The following GNG7 variants were observed in gnomAD, a reference collection of about 807,000 sequenced individuals.
GNG7 encodes the protein guanine nucleotide-binding protein G(I)/G(S)/G(O) subunit gamma-7.
Under a neutral mutation model 4.0 loss-of-function variants are expected in GNG7, and 1 was observed. The ratio of observed to expected loss-of-function variants is 0.25; its 90% CI spans 0.09 to 1.18. The LOEUF (loss-of-function observed/expected upper bound fraction) is 1.18, where lower values mean the gene tolerates loss of function less well. Ranked by LOEUF, GNG7 falls within the 50% of genes most tolerant of loss-of-function variation. GNG7 has a pLI of 0.50. For synonymous variants in GNG7, 34 were observed against 36.9 expected, an observed-to-expected ratio of 0.92 and a Z score of 0.29; for missense variants, 86 against 91.9, an observed-to-expected ratio of 0.94 and a Z score of 0.26.
intron 2 of GNG7, among the ~76,000 whole-genome samples, chr19:2,638,603 C>T (rs1226741106): frequency 1.3e-5 from 2 of 148,724 alleles, no homozygotes; most frequent in Non-Finnish European, 3.0e-5. Context: ...CCCTCCTGGG[C>T]ACTGTAGACA....
At chr19:2,521,948 C>A (rs900446604) in intron 3 of GNG7, among the ~76,000 whole-genome samples, 3 of 152,152 alleles carry the variant, frequency 2.0e-5, no homozygotes, top group Non-Finnish European at 4.4e-5. Flanking sequence ...GGAGCCCATG[C>A]TGTTGCTTCT....
intron 2 of GNG7, among the ~76,000 whole-genome samples, chr19:2,587,238 A>G (rs1016725684): frequency 3.3e-5 from 5 of 152,078 alleles, no homozygotes; most frequent in African/African-American, 1.2e-4. Context: ...GTCCCTGAGC[A>G]TCTGGCTCTA....
At chr19:2,604,816 C>G (rs565574582) in intron 2 of GNG7, among the ~76,000 whole-genome samples, 1 of 152,030 alleles carries the variant, frequency 6.6e-6, no homozygotes, top group Non-Finnish European at 1.5e-5. Context: ...AGGGCAGTGG[C>G]GAGAAGGAAA....
chr19:2,522,027 G>A (rs1233355384), intron 3 of GNG7, among the ~76,000 whole-genome samples: 1 of 152,178 alleles, frequency 6.6e-6, no homozygotes, highest in Non-Finnish European at 1.5e-5. Context: ...TCTCTTGGGA[G>A]TCCGTGGAAT....
At chr19:2,697,016 T>A (rs1913283828) in intron 1 of GNG7, among the ~76,000 whole-genome samples, 1 of 149,654 alleles carries the variant, frequency 6.7e-6, no homozygotes, top group Admixed American at 6.6e-5. Flanking sequence ...AATTTTTGTA[T>A]TTTTACTAGC....
In GNG7 at chr19:2,618,315, T is replaced by G. The variant is rs1981773963; in HGVS notation, c.-78+27909A>C. On this transcript the variant is annotated intron_variant, in intron 2 of 4. Coordinates refer to ENST00000382159, the MANE Select transcript of GNG7 (RefSeq NM_052847.3). The surrounding 1 kb of genome is among the most constrained non-coding windows in gnomAD (Gnocchi z 5.1). ...CCCCTTGCAAAGCTCTCAGCCACAT[T>G]TTTCTCTTTTCTACCTGTATGTGTG... 6.6e-6 allele frequency among the ~76,000 whole-genome samples: 1 copy of G among 151,730 alleles called. No individual in the cohort carries two copies. The highest frequency in any genetic ancestry group is 2.1e-4 in the South Asian group (1 of 4,820).
At chr19:2,526,182 G>C (rs888917684) in intron 3 of GNG7, among the ~76,000 whole-genome samples, 1 of 151,838 alleles carries the variant, frequency 6.6e-6, no homozygotes, top group Non-Finnish European at 1.5e-5. Flanking sequence ...GTGTTAGCCA[G>C]GATGGTCTCG....
chr19:2,602,393 AG>A (rs1264912360), intron 2 of GNG7, among the ~76,000 whole-genome samples: 2 of 152,228 alleles, frequency 1.3e-5, no homozygotes, highest in African/African-American at 4.8e-5. Context: ...CGTCCTCTGC[AG>A]GCCCTGGCTC....
intron 2 of GNG7, among the ~76,000 whole-genome samples, chr19:2,638,729 C>G (rs1982401474): frequency 7.3e-6 from 1 of 137,158 alleles, no homozygotes; most frequent in Non-Finnish European, 1.6e-5. Context: ...CTAGACATCT[C>G]CCAGCATCCC....
At position 2,609,459 on chromosome 19, in the gene GNG7, G is replaced by A. The variant is rs1406759361; in HGVS notation, c.-78+36765C>T. Among the ~76,000 whole-genome samples the A allele has an allele frequency of 1.3e-5, 2 of 152,120 alleles. No individual in the cohort carries two copies. The highest frequency in any genetic ancestry group is 6.6e-5 in the Admixed American group (1 of 15,226). The stretch of plus-strand genomic sequence containing the variant: ...TGCCCTGGGATTTGGGAGCCGACAG[G>A]TCCGGGTAACAACTGCAGTTTAGCC... On this transcript the variant is annotated intron_variant, in intron 2 of 4. Transcript: ENST00000382159. This position sits in a 1 kb window ranked among gnomAD's most constrained non-coding sequence, Gnocchi z 4.4.
At chr19:2,616,500 G>C (rs1391493759) in intron 2 of GNG7, among the ~76,000 whole-genome samples, 2 of 152,166 alleles carry the variant, frequency 1.3e-5, no homozygotes, top group East Asian at 3.9e-4. Context: ...AGAAAGGCTG[G>C]GTGTGGTGGC....
chr19:2,532,145 C>T (rs1156554560), intron 3 of GNG7, among the ~76,000 whole-genome samples: 4 of 112,002 alleles, frequency 3.6e-5, no homozygotes, highest in South Asian at 3.3e-4. Flanking sequence ...AACGAGACTC[C>T]GTCTCAAAAA....
At chr19:2,589,968 T>C (rs11878716) in intron 2 of GNG7, among the ~76,000 whole-genome samples, 33,975 of 151,850 alleles carry the variant, frequency 0.22, 5,288 homozygotes, top group East Asian at 0.52. Flanking sequence ...TGCACTGCCG[T>C]ACTCAGCTAA....
chr19:2,593,887 T>C (rs1980925585), intron 2 of GNG7, among the ~76,000 whole-genome samples: 1 of 148,258 alleles, frequency 6.7e-6, no homozygotes, highest in Non-Finnish European at 1.5e-5. Flanking sequence ...TGTTTTAAGT[T>C]TTCTGAAGCA....
intron 1 of GNG7, among the ~76,000 whole-genome samples, chr19:2,657,175 A>G (rs1390831983): frequency 6.7e-6 from 1 of 150,160 alleles, no homozygotes; most frequent in Non-Finnish European, 1.5e-5. Flanking sequence ...CTCTACTAAA[A>G]ATACAAAAAT....
At chr19:2,521,192 G>C (rs1242291588) in intron 3 of GNG7, among the ~76,000 whole-genome samples, 1 of 152,076 alleles carries the variant, frequency 6.6e-6, no homozygotes, top group African/African-American at 2.4e-5. Context: ...CGTGAACCCG[G>C]GAGGTGGAGC....
intron 2 of GNG7, among the ~76,000 whole-genome samples, chr19:2,602,103 G>A (rs1294410863): frequency 3.3e-5 from 5 of 152,102 alleles, no homozygotes; most frequent in African/African-American, 9.7e-5. Context: ...CTGGGAGGCC[G>A]AGATGGGCAG....
intron 2 of GNG7, among the ~76,000 whole-genome samples, chr19:2,602,756 C>A (rs1330889454): frequency 6.6e-6 from 1 of 152,146 alleles, no homozygotes. Context: ...CCTCCCCTCA[C>A]CACCACCCCT....
chr19:2,589,228 G>A (rs923578904), intron 2 of GNG7, among the ~76,000 whole-genome samples: 7 of 137,904 alleles, frequency 5.1e-5, no homozygotes, highest in Non-Finnish European at 7.8e-5. Flanking sequence ...ACGCCCGGCC[G>A]TCTCTTTCTT....
Sources: gnomAD v4.1 joint callset for allele counts (sites outside exome capture counted in the v4.1 genomes callset) on GRCh38, gnomAD v4.1.1 for gene constraint, Gnocchi (gnomAD v3.1) non-coding constraint, MANE v1.5 for transcripts, NCBI Gene and HGNC (gene_info 2026-07-23, HGNC 2026-07-21) for gene names.